The following DMGDH variants were observed in gnomAD, a reference collection of about 807,000 sequenced individuals.
DMGDH encodes dimethylglycine dehydrogenase, mitochondrial.
DMGDH carries 76 observed loss-of-function variants against 95.2 expected under a neutral mutation model. That is an observed-to-expected ratio of 0.80 (90% CI 0.66 to 0.97). DMGDH has a LOEUF of 0.97. Ranked by LOEUF, DMGDH falls within the 50% of genes least tolerant of loss-of-function variation. The pLI is 0.00. For synonymous variants in DMGDH, 345 were observed against 377.6 expected (o/e 0.91, Z 1.00); for missense variants, 987 against 1,055.0 (o/e 0.94, Z 0.89).
At chr5:79,006,428 AG>A (rs1488466859) in intron 14 of DMGDH, among the ~76,000 whole-genome samples, 1 of 152,202 alleles carries the variant, frequency 6.6e-6, no homozygotes, top group African/African-American at 2.4e-5. Flanking sequence ...GTGAAGAGAG[AG>A]CACTGAGAGT....
chr5:79,043,556 T>G (rs904898112), intron 6 of DMGDH, among the ~76,000 whole-genome samples: 2 of 152,222 alleles, frequency 1.3e-5, no homozygotes, highest in African/African-American at 4.8e-5. Context: ...CTCAAGAAGC[T>G]TATCAAAGTA....
At chr5:79,029,130 G>C (rs894171791) in intron 11 of DMGDH, among the ~76,000 whole-genome samples, 1 of 152,156 alleles carries the variant, frequency 6.6e-6, no homozygotes, top group East Asian at 1.9e-4. Context: ...TCTATGGCTT[G>C]ATGAGTTATT....
At chr5:79,006,848 C>CT (rs1561206459) in intron 14 of DMGDH, among the ~76,000 whole-genome samples, 4 of 127,800 alleles carry the variant, frequency 3.1e-5, no homozygotes, top group Non-Finnish European at 7.0e-5. Context: ...ACCTGAGACC[C>CT]CCCCAGTCCA....
At chr5:79,049,767 G>A (rs1754782437) in intron 5 of DMGDH, among the ~76,000 whole-genome samples, 1 of 152,138 alleles carries the variant, frequency 6.6e-6, no homozygotes, top group South Asian at 2.1e-4. Context: ...ACATTGTATT[G>A]TACCACTGCT....
rs1044408116 is a variant in DMGDH, at chr5:79,041,832, T to TA, written c.1193+450dup. On this transcript the variant is annotated intron_variant, in intron 7 of 15. Coordinates refer to ENST00000255189, the MANE Select transcript of DMGDH (RefSeq NM_013391.3). ...CAACATGGTAAAACCCTGTCTCTAC[T>TA]AAAAAAAAATTACAAAAAATTAGCC... Among the ~76,000 whole-genome samples, 57 of 151,472 alleles carry TA rather than the reference T, an allele frequency of 3.8e-4. No individual in the cohort carries two copies. In the Middle Eastern group the frequency reaches 0.01, roughly 27 times the overall value.
At chr5:79,015,869 T>C (rs1753723486) in intron 14 of DMGDH, among the ~76,000 whole-genome samples, 1 of 152,142 alleles carries the variant, frequency 6.6e-6, no homozygotes, top group Non-Finnish European at 1.5e-5. Context: ...TAATAAACCA[T>C]ATAACAAAGT....
intron 14 of DMGDH, among the ~76,000 whole-genome samples, chr5:79,007,855 G>A (rs1197194207): frequency 6.6e-6 from 1 of 152,146 alleles, no homozygotes; most frequent in African/African-American, 2.4e-5. Flanking sequence ...ATCAGATACT[G>A]TGTTAGGCAG....
chr5:79,052,740 T>C (rs1008402197), intron 4 of DMGDH, among the ~76,000 whole-genome samples: 2 of 152,162 alleles, frequency 1.3e-5, no homozygotes, highest in African/African-American at 2.4e-5. Context: ...CAAATGTAAG[T>C]ATATCCTTAC....
intron 9 of DMGDH, 61 bp downstream of exon 9, chr5:79,032,626 T>A (rs1754211352): frequency 6.2e-7 from 1 of 1,609,152 alleles, no homozygotes; most frequent in African/African-American, 1.3e-5. Context: ...TCAGCGCTTT[T>A]TGCTGTCCCG....
At chr5:79,034,651 C>A (rs1228537562) in intron 7 of DMGDH, among the ~76,000 whole-genome samples, 1 of 152,218 alleles carries the variant, frequency 6.6e-6, no homozygotes, top group Admixed American at 6.5e-5. Flanking sequence ...GCCAGAACCA[C>A]AGCTTCTAAG....
chr5:79,061,220 AACACACACACACACACACAC>A (rs34931005), intron 2 of DMGDH, among the ~76,000 whole-genome samples: 61 of 141,754 alleles, frequency 4.3e-4, no homozygotes, highest in Admixed American at 1.9e-3. Flanking sequence ...CTCTGTCTCA[AACACACACACACACACACAC>A]ACACACACAC....
In DMGDH at chr5:79,044,669, T is replaced by C. The variant is rs903777097; in HGVS notation, c.746-117A>G. On this transcript the variant is annotated intron_variant, in intron 5 of 15. Coordinates refer to ENST00000255189, the MANE Select transcript of DMGDH (RefSeq NM_013391.3). The stretch of plus-strand genomic sequence containing the variant: ...GAAGGCTTAAGTACTCATGGCAAAG[T>C]CTAATAAATGTCATAACAATCTAAA... The C allele has an allele frequency of 5.1e-6, 6 of 1,172,478 alleles. No homozygotes were observed. In the Admixed American group the frequency reaches 6.4e-5, roughly 12 times the overall value. The allele number at this position is 1,172,478 out of a possible 1,614,324, so 72.6% of individuals were successfully genotyped here.
In DMGDH at chr5:79,014,127, A is replaced by C. The variant is rs556560475; in HGVS notation, c.2251-8720T>G. Among the ~76,000 whole-genome samples the C allele has an allele frequency of 1.4e-4, 21 of 152,352 alleles. No individual in the cohort carries two copies. The East Asian group carries it at 4.0e-3, about 29-fold the overall frequency. On this transcript the variant is annotated intron_variant, in intron 14 of 15. Transcript: ENST00000255189. ...AAATGTTTAATATTACTAGAACAGG[A>C]ACCATAGTCACTAAAAAAGGGGGAT... is the stretch of plus-strand genomic sequence containing the variant.
chr5:79,020,203 C>A (rs1753830933), intron 14 of DMGDH, among the ~76,000 whole-genome samples: 1 of 152,092 alleles, frequency 6.6e-6, no homozygotes, highest in Non-Finnish European at 1.5e-5. Context: ...TGCCTGAGTC[C>A]CTACAAGAGC....
At chr5:79,000,585 T>G in intron 15 of DMGDH, 1 of 606,566 alleles carries the variant, frequency 1.6e-6, no homozygotes, top group Non-Finnish European at 3.2e-6. Flanking sequence ...CCGAACTTTC[T>G]GGCTGACATG....
intron 3 of DMGDH, among the ~76,000 whole-genome samples, chr5:79,054,830 C>T (rs1754975552): frequency 6.6e-6 from 1 of 152,194 alleles, no homozygotes; most frequent in Non-Finnish European, 1.5e-5. Context: ...GTTTGCCAAG[C>T]ACTCAGTTAC....
intron 14 of DMGDH, among the ~76,000 whole-genome samples, chr5:79,006,390 CATG>C (rs1158723411): frequency 6.6e-6 from 1 of 152,150 alleles, no homozygotes; most frequent in Admixed American, 6.5e-5. Flanking sequence ...CCAGGAGACA[CATG>C]ATAAGTGTGA....
intron 15 of DMGDH, among the ~76,000 whole-genome samples, chr5:79,003,043 T>C (rs1316290386): frequency 6.6e-6 from 1 of 152,248 alleles, no homozygotes; most frequent in African/African-American, 2.4e-5. Flanking sequence ...GTTATCATCA[T>C]ATTTAAGGTG....
rs1470184035 is a variant in DMGDH at position 79,024,189 on chromosome 5, A to G, written c.2250+82T>C. On this transcript the variant is annotated intron_variant, in intron 14 of 15. Coordinates refer to ENST00000255189, the MANE Select transcript of DMGDH (RefSeq NM_013391.3). ...TTTCTCCTATAATCCATACTTGGTT[A>G]AATTTTAAAGAATGGCTCTGTCACA... 3.1e-6 allele frequency: 4 copies of G among 1,296,454 alleles called. No individual in the cohort carries two copies. The African/African-American group carries it at 4.4e-5, about 14-fold the overall frequency. The allele number at this position is 1,296,454 out of a possible 1,614,324, so 80.3% of individuals were successfully genotyped here.
Sources: gnomAD v4.1 joint callset for allele counts (sites outside exome capture counted in the v4.1 genomes callset) on GRCh38, gnomAD v4.1.1 for gene constraint, MANE v1.5 for transcripts, NCBI Gene and HGNC (gene_info 2026-07-23, HGNC 2026-07-21) for gene names.